Variants in KRT34 observed in about 807,000 individuals in gnomAD.
KRT34 encodes keratin, type I cuticular Ha4.
A neutral mutation model predicts 41.7 loss-of-function variants in KRT34; 31 were observed. That is an observed-to-expected ratio of 0.74 (90% CI 0.56 to 1.00). The LOEUF is 1.00. Ranked by LOEUF, KRT34 falls within the 50% of genes least tolerant of loss-of-function variation. The pLI is 0.00. For synonymous variants in KRT34, 224 were observed against 212.9 expected (o/e 1.05, Z -0.45); for missense variants, 523 against 500.3 (o/e 1.05, Z -0.43).
intron 1 of KRT34, 40 bp from the exon 2 acceptor site, chr17:41,381,835 A>G (rs2017992055): frequency 6.2e-7 from 1 of 1,613,986 alleles, no homozygotes; most frequent in East Asian, 2.2e-5. Flanking sequence ...CTTGAACTTG[A>G]AAATGTCTTA....
At chr17:41,383,386 T>C (rs766959092), upstream of KRT34, among the ~76,000 whole-genome samples, 2 of 152,222 alleles carry the variant, frequency 1.3e-5, no homozygotes, top group Non-Finnish European at 2.9e-5. Flanking sequence ...GCTTTTGTGC[T>C]ACAGTGGCAG....
In KRT34 at chr17:41,382,238, G is replaced by A. The variant is rs774312331; in HGVS notation, c.9C>T (p.Tyr3=). 1 of 1,612,752 alleles carries A rather than the reference G, an allele frequency of 6.2e-7. No individual in the cohort carries two copies. The highest frequency in any genetic ancestry group is 8.5e-7 in the Non-Finnish European group (1 of 1,180,040). ...AGCCCAGGCTGGGCAGGCAACAACT[G>A]TAAGACATGGTGCTGGAACAGGTAA... MS[Y]SCCLPSLGCR... The change falls in exon 1 of 7, where the codon TAC becomes TAT. Residue 3 remains tyrosine, a synonymous_variant. Transcript: ENST00000394001.
At chr17:41,380,933 C>T in intron 3 of KRT34, 123 bp downstream of exon 3, 1 of 951,692 alleles carries the variant, frequency 1.1e-6, no homozygotes, top group Admixed American at 1.9e-5. Flanking sequence ...CCGTCACTCT[C>T]TGAGAACATC....
Position 41,381,790 on chromosome 17 carries a change from C to T in KRT34, c.354G>A (p.Leu118=). The change falls in exon 2 of 7, where the codon CTG becomes CTA. Residue 118 remains leucine, a synonymous_variant. Transcript: ENST00000394001. ...GCCTGGCATTCTCAGCCTTGGCACA[C>T]AGAATCTGAAAAGAAATTTCTCTCA... The part of the protein sequence containing the change: ...KTIEELQQKI[L]CAKAENARLV... 1 of 1,614,226 alleles carries T rather than the reference C, an allele frequency of 6.2e-7. No individual in the cohort carries two copies. The highest frequency in any genetic ancestry group is 8.5e-7 in the Non-Finnish European group (1 of 1,180,034).
rs568682022 is a variant in KRT34 at position 41,379,395 on chromosome 17, T to C, written c.834A>G (p.Thr278=). Residue 278 remains threonine, a synonymous_variant, in exon 5 of 7, where the codon ACA becomes ACG. Transcript: ENST00000394001. ...CQAEIIELRR[T]VNALEIELQA... ...GCAGCTCGATCTCCAGGGCGTTGAC[T>C]GTGCGTCTCAGCTCGATGATCTCCG... 11 of 1,613,650 alleles carry C rather than the reference T, an allele frequency of 6.8e-6. No homozygotes were observed. The highest frequency in any genetic ancestry group is 6.7e-5 in the East Asian group (3 of 44,886).
chr17:41,382,033 C>T lies in KRT34; in HGVS notation c.214G>A (p.Glu72Lys). 1.2e-6 allele frequency: 2 copies of T among 1,614,136 alleles called. No individual in the cohort carries two copies. The highest frequency in any genetic ancestry group is 1.7e-6 in the Non-Finnish European group (2 of 1,180,052). The change falls in exon 1 of 7, where the codon GAG becomes AAG. Residue 72 changes from glutamate (E) to lysine (K), a missense_variant. By Grantham distance (56) the Glu-to-Lys change is moderately conservative (BLOSUM62 1). Transcript: ENST00000394001. ...FLNDRLASYL[E>K]KVRQLERDNA... ...TCCCGCTCCAGCTGACGCACCTTCT[C>T]CAGGTAGCTGGCCAGGCGGTCGTTC...
upstream of KRT34, among the ~76,000 whole-genome samples, chr17:41,383,528 G>A (rs2018038025): frequency 6.6e-6 from 1 of 152,068 alleles, no homozygotes. Context: ...AAAATATGCT[G>A]GAAACAGTCT....
intron 3 of KRT34, among the ~76,000 whole-genome samples, chr17:41,380,182 CA>C (rs1422589348): frequency 2.0e-5 from 3 of 151,866 alleles, no homozygotes; most frequent in Non-Finnish European, 4.4e-5. Flanking sequence ...TCACTTGAAC[CA>C]GGGAGTCGGA....
rs750585951 is a variant in KRT34, at chr17:41,381,053, T to A, written c.588+3A>T. On this transcript the variant is annotated splice_donor_region_variant and intron_variant, in intron 3 of 6. Coordinates refer to ENST00000394001, the MANE Select transcript of KRT34 (RefSeq NM_001386014.1). Reference sequence around the variant, plus strand: ...GGCCTGCTTTTGTGAATTTGTTTCATACCTCCTCATGGTTCTTCTTCAAGC... The same window carrying A: ...GGCCTGCTTTTGTGAATTTGTTTCAAACCTCCTCATGGTTCTTCTTCAAGC... 6.2e-6 allele frequency: 10 copies of A among 1,613,852 alleles called. No individual in the cohort carries two copies. The highest frequency in any genetic ancestry group is 7.6e-6 in the Non-Finnish European group (9 of 1,179,914).
intron 3 of KRT34, among the ~76,000 whole-genome samples, chr17:41,380,015 C>T (rs556682521): frequency 1.3e-5 from 2 of 152,164 alleles, no homozygotes; most frequent in Non-Finnish European, 2.9e-5. Flanking sequence ...AATCCCAGCA[C>T]TTTGGGAGGC....
chr17:41,381,847 T>C, intron 1 of KRT34, 52 bp from the exon 2 acceptor site: 2 of 1,613,630 alleles, frequency 1.2e-6, no homozygotes, highest in Non-Finnish European at 1.7e-6. Flanking sequence ...AATGTCTTAC[T>C]GTTCAAAGAG....
At chr17:41,383,807 C>T (rs888948381), upstream of KRT34, among the ~76,000 whole-genome samples, 1 of 152,226 alleles carries the variant, frequency 6.6e-6, no homozygotes, top group Non-Finnish European at 1.5e-5. Context: ...CAGATTTACT[C>T]TGTTGTCCCT....
intron 6 of KRT34, 68 bp downstream of exon 6, chr17:41,378,888 C>T (rs1289437114): frequency 1.9e-6 from 3 of 1,592,814 alleles, no homozygotes; most frequent in African/African-American, 2.7e-5. Flanking sequence ...AAAACATGGC[C>T]ACCATTTGTG....
At chr17:41,381,875 C>A (rs768708651) in intron 1 of KRT34, 24 bp downstream of exon 1, 4 of 1,612,876 alleles carry the variant, frequency 2.5e-6, no homozygotes, top group Non-Finnish European at 3.4e-6. Flanking sequence ...TGCTGCTGGC[C>A]CCCCATATGG....
At chr17:41,380,961 G>T in intron 3 of KRT34, 95 bp downstream of exon 3, 1 of 1,226,362 alleles carries the variant, frequency 8.2e-7, no homozygotes, top group South Asian at 1.2e-5. Flanking sequence ...CCTCAGAGAA[G>T]GGTCCCAGAC....
intron 3 of KRT34, 75 bp from the exon 4 acceptor site, chr17:41,379,806 A>G: frequency 6.9e-7 from 1 of 1,440,850 alleles, no homozygotes; most frequent in South Asian, 1.4e-5. Context: ...AATGAGCACA[A>G]TACTGCCCAA....
Position 41,381,228 on chromosome 17 carries a change from T to C in KRT34, c.432-16A>G. On this transcript the variant is annotated splice_polypyrimidine_tract_variant and intron_variant, in intron 2 of 6. Transcript: ENST00000394001. ...CGTCTGGTACCTGCACGTGTCGGAGTGGGAGGATAAGTCAGGAAAGAAAAC... is the reference window on the plus strand; with the variant it reads ...CGTCTGGTACCTGCACGTGTCGGAGCGGGAGGATAAGTCAGGAAAGAAAAC... 1.2e-6 allele frequency: 2 copies of C among 1,609,062 alleles called. No individual in the cohort carries two copies. Among genetic ancestry groups the C allele is most frequent in the East Asian group, 4.5e-5 (2 of 44,766 alleles).
rs745309735 is a variant in KRT34 at position 41,381,979 on chromosome 17, C to T, written c.268G>A (p.Glu90Lys). The T allele has an allele frequency of 1.2e-5, 19 of 1,614,282 alleles. No homozygotes were observed. The highest frequency in any genetic ancestry group is 1.4e-5 in the Non-Finnish European group (17 of 1,180,050). Residue 90 changes from glutamate to lysine, a missense_variant, in exon 1 of 7, where the codon GAG becomes AAG. Transcript: ENST00000394001. The stretch of plus-strand genomic sequence containing the variant: ...AAGGGCTCCTGCTGCTGGGACCGCT[C>T]CTGGATGAGTTTCTCCAGCTCCGCG... ...DNAELEKLIQ[E>K]RSQQQEPLLC...
chr17:41,381,014 T>A, intron 3 of KRT34, 42 bp downstream of exon 3: 1 of 1,593,928 alleles, frequency 6.3e-7, no homozygotes, highest in Non-Finnish European at 8.6e-7. Flanking sequence ...CCAGTGCTAG[T>A]AGCTTAGTTC....
Sources: allele counts gnomAD v4.1 joint callset (sites outside exome capture counted in the v4.1 genomes callset), GRCh38; gene constraint gnomAD v4.1.1; transcripts MANE v1.5; gene names NCBI Gene and HGNC (gene_info 2026-07-23, HGNC 2026-07-21).